Variants in CATSPERG observed in about 807,000 individuals in gnomAD.
The protein encoded by CATSPERG is cation channel sperm-associated auxiliary subunit gamma.
A neutral mutation model predicts 145.0 loss-of-function variants in CATSPERG; 115 were observed. That is an observed-to-expected ratio of 0.79 (90% CI 0.68 to 0.93). The LOEUF (loss-of-function observed/expected upper bound fraction) is 0.93, where lower values mean the gene tolerates loss of function less well. Ranked by LOEUF, CATSPERG falls within the 40% of genes least tolerant of loss-of-function variation. The pLI, the probability that CATSPERG is intolerant of heterozygous loss-of-function variation, is 0.00. For synonymous variants in CATSPERG, 588 were observed against 589.0 expected (o/e 1.00, Z 0.02); for missense variants, 1,296 against 1,490.1 (o/e 0.87, Z 2.14).
chr19:38,362,579 G>C lies in CATSPERG; in HGVS notation c.2356+5G>C. The C allele has an allele frequency of 6.2e-7, 1 of 1,613,810 alleles. No homozygotes were observed. The highest frequency in any genetic ancestry group is 1.1e-5 in the South Asian group (1 of 91,086). On this transcript the variant is annotated splice_donor_5th_base_variant and intron_variant, in intron 19 of 28. Coordinates refer to ENST00000409235, the MANE Select transcript of CATSPERG (RefSeq NM_021185.5). ...TCCGGACGCAGTCAGAACTCGGTCTGCGCGGGACCAGAGTGGAGCCCGAAG... is the reference window on the plus strand; with the variant it reads ...TCCGGACGCAGTCAGAACTCGGTCTCCGCGGGACCAGAGTGGAGCCCGAAG...
rs775631056 is a variant in CATSPERG at position 38,362,803 on chromosome 19, C to T, written c.2446C>T (p.Leu816=). Residue 816 remains leucine (L), a synonymous_variant, in exon 20 of 29, where the codon CTG becomes TTG. Coordinates refer to ENST00000409235, the MANE Select transcript of CATSPERG (RefSeq NM_021185.5). The part of the protein sequence containing the change: ...CIEASVKQEV[L]INRNSVLFSI... ...CGAGGCCTCGGTGAAGCAGGAGGTCCTGATTAATCGCAACTCGGTGCTATT... is the reference window on the plus strand; with the variant it reads ...CGAGGCCTCGGTGAAGCAGGAGGTCTTGATTAATCGCAACTCGGTGCTATT... 1.2e-6 allele frequency: 2 copies of T among 1,613,530 alleles called. No homozygotes were observed. Among genetic ancestry groups the T allele is most frequent in the African/African-American group, 2.7e-5 (2 of 74,750 alleles).
rs1969847263 is a variant in CATSPERG at position 38,336,885 on chromosome 19, AC to A, written c.-14-335del. On this transcript the variant is annotated intron_variant, in intron 1 of 28. Coordinates refer to ENST00000409235, the MANE Select transcript of CATSPERG (RefSeq NM_021185.5). ...CGGAGGAGCAGGGGTGTGGCCAGAAACATTAGTAGGGCTGGGGCCCGGAGCA... is the reference window on the plus strand; with the variant it reads ...CGGAGGAGCAGGGGTGTGGCCAGAAAATTAGTAGGGCTGGGGCCCGGAGCA... The A allele has an allele frequency of 7.4e-6, 3 of 403,612 alleles. No individual in the cohort carries two copies. In the Admixed American group the frequency reaches 1.2e-4, roughly 16 times the overall value. The allele number at this position is 403,612 out of a possible 1,614,324, so 25.0% of individuals were successfully genotyped here. A position where few individuals can be genotyped will look rare whatever the true frequency, so the allele number is the denominator to read the frequency against.
rs1244255831 is a variant in CATSPERG at position 38,360,499 on chromosome 19, T to C, written c.1619T>C (p.Leu540Pro). 37 of 1,613,948 alleles carry C rather than the reference T, an allele frequency of 2.3e-5. No individual in the cohort carries two copies. The highest frequency in any genetic ancestry group is 2.9e-5 in the Non-Finnish European group (34 of 1,180,026). The change falls in exon 15 of 29, where the codon CTC (leucine) becomes CCC (proline). Residue 540 changes from leucine (L) to proline (P), a missense_variant. Leu to Pro is a moderately conservative substitution (Grantham distance 98). Transcript: ENST00000409235. ...IVTETEEIWY[L>P]LEGSYRVYQL... Reference sequence around the variant, plus strand: ...CTGTCATACCCGCAGATCTGGTACCTCCTGGAGGGCAGCTACCGGGTCTAC... The same window carrying C: ...CTGTCATACCCGCAGATCTGGTACCCCCTGGAGGGCAGCTACCGGGTCTAC...
chr19:38,348,466 T>G lies in CATSPERG; in HGVS notation c.825+1861T>G, dbSNP rs184128275. 2.6e-4 allele frequency among the ~76,000 whole-genome samples: 38 copies of G among 147,768 alleles called. 1 individual carries two copies. The highest frequency in any genetic ancestry group is 9.3e-4 in the African/African-American group (37 of 39,826). ...CCTGGCCAATTTCCACAAACTTCGTTTTTTTTTTTTGTTTTTTTTTTTTTG... is the reference window on the plus strand; with the variant it reads ...CCTGGCCAATTTCCACAAACTTCGTGTTTTTTTTTTGTTTTTTTTTTTTTG... On this transcript the variant is annotated intron_variant, in intron 7 of 28. Transcript: ENST00000409235.
intron 7 of CATSPERG, among the ~76,000 whole-genome samples, chr19:38,347,608 C>T (rs1024291985): frequency 1.3e-5 from 2 of 152,164 alleles, no homozygotes; most frequent in Admixed American, 6.6e-5. Flanking sequence ...TACAGGAGAA[C>T]GCCAAGGCAG....
chr19:38,351,545 T>C (rs1970140420), intron 7 of CATSPERG, among the ~76,000 whole-genome samples: 1 of 151,476 alleles, frequency 6.6e-6, no homozygotes, highest in Non-Finnish European at 1.5e-5. Context: ...GAGGCGGAGC[T>C]TGCAGTGAGC....
intron 6 of CATSPERG, among the ~76,000 whole-genome samples, chr19:38,345,553 G>A (rs1417831952): frequency 2.0e-5 from 3 of 148,810 alleles, no homozygotes; most frequent in Non-Finnish European, 4.5e-5. Flanking sequence ...TGCCCAGGCT[G>A]GAGTGCAGTG....
intron 1 of CATSPERG, chr19:38,336,175 G>A (rs1969831502): frequency 4.4e-6 from 2 of 456,390 alleles, no homozygotes; most frequent in Admixed American, 2.4e-5. Context: ...GGGGCAAGAA[G>A]GTGTCGCGGT....
chr19:38,361,822 G>C lies in CATSPERG; in HGVS notation c.2055G>C (p.Leu685=). 6.2e-7 allele frequency: 1 copy of C among 1,612,456 alleles called. No individual in the cohort carries two copies. Among genetic ancestry groups the C allele is most frequent in the Non-Finnish European group, 8.5e-7 (1 of 1,179,416 alleles). Residue 685 remains leucine (L), a synonymous_variant, in exon 17 of 29, where the codon CTG becomes CTC. Transcript: ENST00000409235. Reference sequence around the variant, plus strand: ...ACTCGCTCGCCATCTACCAGGGCCTGGTCTACTACCTGCTGTGGCTGCACT... The same window carrying C: ...ACTCGCTCGCCATCTACCAGGGCCTCGTCTACTACCTGCTGTGGCTGCACT... ...NENSLAIYQG[L]VYYLLWLHSV...
chr19:38,338,263 C>T (rs1209973709), intron 3 of CATSPERG, among the ~76,000 whole-genome samples: 1 of 152,110 alleles, frequency 6.6e-6, no homozygotes, highest in East Asian at 1.9e-4. Context: ...ATTCTCCTGC[C>T]TCAGCCTCCC....
intron 6 of CATSPERG, among the ~76,000 whole-genome samples, chr19:38,345,419 CG>C (rs1970024492): frequency 6.6e-6 from 1 of 152,048 alleles, no homozygotes; most frequent in Non-Finnish European, 1.5e-5. Flanking sequence ...TCTCAAACTC[CG>C]GGGCTCAAGT....
chr19:38,368,005 A>G, intron 25 of CATSPERG, 43 bp from the exon 26 acceptor site: 2 of 1,576,490 alleles, frequency 1.3e-6, no homozygotes, highest in Non-Finnish European at 1.7e-6. Flanking sequence ...CCTCCCCTAC[A>G]CCGCCCCCCA....
Position 38,370,922 on chromosome 19 carries a change from C to A in CATSPERG, c.*130C>A. ...TTGATGTTTACTTCTCGTTCAGACT[C>A]AAATAAAGCCTTTTTTCAGGACCAG... On this transcript the variant is annotated 3_prime_UTR_variant, in exon 29 of 29. Transcript: ENST00000409235. The A allele has an allele frequency of 3.0e-6, 3 of 1,008,196 alleles. No homozygotes were observed. Among genetic ancestry groups the A allele is most frequent in the South Asian group, 1.6e-5 (1 of 62,908 alleles). The allele number at this position is 1,008,196 out of a possible 1,614,324, so 62.5% of individuals were successfully genotyped here.
chr19:38,352,363 C>A lies in CATSPERG; in HGVS notation c.928C>A (p.Arg310=). ...TGCCACCGAGAGCACCCTCTTCATT[C>A]GGCAGAACCAGCTGGTCTACTATTT... is the stretch of plus-strand genomic sequence containing the variant. ...TIATESTLFI[R]QNQLVYYFTG... is the part of the protein sequence containing the mutation. Residue 310 remains arginine (R), a synonymous_variant, in exon 8 of 29, where the codon CGG becomes AGG. Transcript: ENST00000409235. 6.4e-7 allele frequency: 1 copy of A among 1,551,874 alleles called. No individual in the cohort carries two copies. The highest frequency in any genetic ancestry group is 8.7e-7 in the Non-Finnish European group (1 of 1,147,138).
chr19:38,367,799 T>C, intron 25 of CATSPERG, 23 bp downstream of exon 25: 1 of 1,603,628 alleles, frequency 6.2e-7, no homozygotes, highest in South Asian at 1.1e-5. Flanking sequence ...GGGTCCCACG[T>C]GTAATCCACC....
At position 38,362,695 on chromosome 19, in the gene CATSPERG, C is replaced by A; in HGVS notation, c.2357-19C>A. On this transcript the variant is annotated intron_variant, in intron 19 of 28. Coordinates refer to ENST00000409235, the MANE Select transcript of CATSPERG (RefSeq NM_021185.5). ...CTGTCTGTGAGGGAGGCCTTAACCC[C>A]GTTTACTGCCCGGAGCAGGCACCGC... The A allele has an allele frequency of 1.9e-6, 3 of 1,613,046 alleles. No homozygotes were observed. The highest frequency in any genetic ancestry group is 2.5e-6 in the Non-Finnish European group (3 of 1,179,168).
rs35797560 is a variant in CATSPERG at position 38,370,227 on chromosome 19, T to TA, written c.3182_3183insA (p.Ser1062GlnfsTer14). ...CTGCTGCACATCCACGGGCTGCCAC[T>TA]CAGTCCCAAGCGGGCCCTTTTCATC... On this transcript the variant is annotated frameshift_variant, in exon 28 of 29. Coordinates refer to ENST00000409235, the MANE Select transcript of CATSPERG (RefSeq NM_021185.5). LOFTEE classifies it low-confidence loss of function (END_TRUNC). The TA allele has an allele frequency of 6.2e-7, 1 of 1,613,750 alleles. No individual in the cohort carries two copies. Among genetic ancestry groups the TA allele is most frequent in the African/African-American group, 1.3e-5 (1 of 75,054 alleles).
At chr19:38,347,568 G>A (rs1026358551) in intron 7 of CATSPERG, among the ~76,000 whole-genome samples, 4 of 152,184 alleles carry the variant, frequency 2.6e-5, no homozygotes, top group Admixed American at 2.6e-4. Context: ...TTTGGCTTCA[G>A]CGACAGAACT....
chr19:38,355,472 G>A (rs1408835194), intron 9 of CATSPERG, among the ~76,000 whole-genome samples: 1 of 152,016 alleles, frequency 6.6e-6, no homozygotes, highest in Non-Finnish European at 1.5e-5. Flanking sequence ...TGAGGTGGGT[G>A]GATCACCTGA....
Sources: allele counts gnomAD v4.1 joint callset (sites outside exome capture counted in the v4.1 genomes callset), GRCh38; gene constraint gnomAD v4.1.1; transcripts MANE v1.5; gene names NCBI Gene and HGNC (gene_info 2026-07-23, HGNC 2026-07-21).